Variants in CSTPP1 observed in about 807,000 individuals in gnomAD.
The protein encoded by CSTPP1 is centriolar satellite-associated tubulin polyglutamylase complex regulator 1.
the CSTPP1 span, among the ~76,000 whole-genome samples, chr11:47,030,980 A>G: frequency 6.6e-6 from 1 of 152,238 alleles, no homozygotes; most frequent in Admixed American, 6.5e-5. Context: ...CATTCGACCC[A>G]GCAATCCCAT....
chr11:47,005,449 C>T, the CSTPP1 span, among the ~76,000 whole-genome samples: 2 of 152,068 alleles, frequency 1.3e-5, no homozygotes, highest in African/African-American at 2.4e-5. Flanking sequence ...CAGAGCAATA[C>T]AAGACCTTAT....
chr11:46,971,908 A>G, the CSTPP1 span, among the ~76,000 whole-genome samples: 1 of 152,216 alleles, frequency 6.6e-6, no homozygotes, highest in Non-Finnish European at 1.5e-5. Context: ...TGATTGTGCC[A>G]CTGCACTTCA....
the CSTPP1 span, among the ~76,000 whole-genome samples, chr11:47,036,039 A>ATATATATATATATATATATAT: frequency 2.7e-5 from 1 of 36,636 alleles, no homozygotes; most frequent in East Asian, 2.9e-4. Flanking sequence ...GAAAAGATAT[A>ATATATATATATATATATATAT]TATATATATA....
At chr11:47,021,727 A>G in the CSTPP1 span, among the ~76,000 whole-genome samples, 1 of 152,116 alleles carries the variant, frequency 6.6e-6, no homozygotes, top group Non-Finnish European at 1.5e-5. Context: ...TAAATTACTG[A>G]CCTAGAATAA....
chr11:47,131,151 A>G, the CSTPP1 span, among the ~76,000 whole-genome samples: 3 of 152,124 alleles, frequency 2.0e-5, no homozygotes, highest in Non-Finnish European at 2.9e-5. Context: ...GGCTTTAGGG[A>G]AGGTTTTCTC....
At chr11:46,945,945 C>A in the CSTPP1 span, among the ~76,000 whole-genome samples, 1 of 152,232 alleles carries the variant, frequency 6.6e-6, no homozygotes, top group Non-Finnish European at 1.5e-5. Context: ...ATGGAAGGGA[C>A]AGCAGTTCCC....
At chr11:47,090,777 C>T in the CSTPP1 span, among the ~76,000 whole-genome samples, 1 of 152,182 alleles carries the variant, frequency 6.6e-6, no homozygotes, top group Non-Finnish European at 1.5e-5. Context: ...CGGAGGCTCA[C>T]GCCTGTAATC....
At chr11:47,028,673 TTTCTC>T in the CSTPP1 span, among the ~76,000 whole-genome samples, 3 of 152,216 alleles carry the variant, frequency 2.0e-5, no homozygotes, top group Non-Finnish European at 4.4e-5. Flanking sequence ...GCCTCACTGA[TTTCTC>T]TTATCAAGTT....
the CSTPP1 span, among the ~76,000 whole-genome samples, chr11:47,146,170 C>A: frequency 6.6e-6 from 1 of 152,010 alleles, no homozygotes; most frequent in African/African-American, 2.4e-5. Context: ...CAAGACCAGC[C>A]TGGTCAACAT....
chr11:47,104,567 CAG>C, the CSTPP1 span, among the ~76,000 whole-genome samples: 3 of 152,216 alleles, frequency 2.0e-5, no homozygotes, highest in African/African-American at 7.2e-5. Flanking sequence ...GAGATGCTGG[CAG>C]AGAGGGTCCA....
At chr11:46,968,662 C>T in the CSTPP1 span, among the ~76,000 whole-genome samples, 86 of 151,680 alleles carry the variant, frequency 5.7e-4, 1 homozygote, top group South Asian at 0.017. Flanking sequence ...GCACTTTGGG[C>T]GGCTGAGGCA....
the CSTPP1 span, chr11:47,164,280 G>A: frequency 1.3e-6 from 2 of 1,597,434 alleles, no homozygotes; most frequent in Non-Finnish European, 1.7e-6. Flanking sequence ...GGGCAGGGAG[G>A]CAGGATCCAG....
chr11:47,077,328 C>A, the CSTPP1 span, among the ~76,000 whole-genome samples: 1 of 151,782 alleles, frequency 6.6e-6, no homozygotes, highest in African/African-American at 2.4e-5. Context: ...GCCTCCCAAG[C>A]AGCTGAGATT....
chr11:46,980,270 C>A, the CSTPP1 span, among the ~76,000 whole-genome samples: 1 of 152,002 alleles, frequency 6.6e-6, no homozygotes, highest in African/African-American at 2.4e-5. Flanking sequence ...CTTTAGACAC[C>A]TCTTGTTTTC....
the CSTPP1 span, among the ~76,000 whole-genome samples, chr11:46,980,073 CAAACAAAA>C: frequency 7.9e-4 from 120 of 151,926 alleles, 2 homozygotes; most frequent in East Asian, 0.021. Flanking sequence ...AACAAACAAA[CAAACAAAA>C]AAACAAAAAA....
the CSTPP1 span, among the ~76,000 whole-genome samples, chr11:47,050,305 TC>T: frequency 1.3e-5 from 2 of 152,278 alleles, no homozygotes; most frequent in South Asian, 4.1e-4. Context: ...TAAATCAATT[TC>T]CACAAATATT....
At chr11:47,073,864 A>G in the CSTPP1 span, among the ~76,000 whole-genome samples, 5 of 152,186 alleles carry the variant, frequency 3.3e-5, no homozygotes, top group Admixed American at 1.3e-4. Flanking sequence ...AGTGATGTAA[A>G]AACTATGACT....
the CSTPP1 span, among the ~76,000 whole-genome samples, chr11:47,104,774 G>C: frequency 1.3e-5 from 2 of 152,212 alleles, no homozygotes; most frequent in African/African-American, 2.4e-5. Flanking sequence ...TACAGGGCAG[G>C]AAGGGTTAGA....
the CSTPP1 span, among the ~76,000 whole-genome samples, chr11:46,987,034 A>G: frequency 1.3e-5 from 2 of 152,224 alleles, no homozygotes; most frequent in African/African-American, 4.8e-5. Flanking sequence ...CTTTGAGACT[A>G]TAGCTCAGTT....
Sources: gnomAD v4.1 joint callset for allele counts (sites outside exome capture counted in the v4.1 genomes callset) on GRCh38, gnomAD v4.1.1 for gene constraint, MANE v1.5 for transcripts, NCBI Gene and HGNC (gene_info 2026-07-23, HGNC 2026-07-21) for gene names.